ITFG2: variants seen among roughly 807,000 people sequenced by gnomAD.
The protein encoded by ITFG2 is integrin alpha FG-GAP repeat containing 2.
A neutral mutation model predicts 54.4 loss-of-function variants in ITFG2; 36 were observed. That is an observed-to-expected ratio of 0.66 (90% CI 0.51 to 0.87). The LOEUF (loss-of-function observed/expected upper bound fraction) is 0.87. Among genes scored for constraint, ITFG2 ranks in the 40% least tolerant of loss-of-function variants. The pLI is 0.00. For synonymous variants in ITFG2, 211 were observed against 225.4 expected (o/e 0.94, Z 0.57); for missense variants, 524 against 576.7 (o/e 0.91, Z 0.94).
intron 2 of ITFG2, among the ~76,000 whole-genome samples, chr12:2,848,101 C>T (rs1022162695): frequency 6.6e-6 from 1 of 152,198 alleles, no homozygotes; most frequent in African/African-American, 2.4e-5. Flanking sequence ...AGTGACTTTT[C>T]CAAAGGTCAC....
At chr12:2,843,422 A>T (rs1262153460) in intron 2 of ITFG2, among the ~76,000 whole-genome samples, 1 of 152,178 alleles carries the variant, frequency 6.6e-6, no homozygotes, top group Non-Finnish European at 1.5e-5. Flanking sequence ...TGTTTCATGG[A>T]TGGCAAAACC....
chr12:2,828,704 T>C (rs955476116), downstream of ITFG2, among the ~76,000 whole-genome samples: 10 of 152,102 alleles, frequency 6.6e-5, no homozygotes, highest in Admixed American at 2.6e-4. Context: ...TAGCTGGGTG[T>C]GGTGGCGCAT....
rs767346257 is a variant in ITFG2, at chr12:2,858,779, A to G, written n.620+448A>G. 4 of 1,614,240 alleles carry G rather than the reference A, an allele frequency of 2.5e-6. No homozygotes were observed. In the Admixed American group the frequency reaches 5.0e-5, roughly 20 times the overall value. On this transcript the variant is annotated intron_variant and non_coding_transcript_variant, in intron 3 of 3. Coordinates refer to the ITFG2 transcript ENST00000537710. Reference sequence around the variant, plus strand: ...TGTCCAGGACCAGGCCTTCTGTCAGAGAACGATTGGCTGCAAGGCCAGAAA... The same window carrying G: ...TGTCCAGGACCAGGCCTTCTGTCAGGGAACGATTGGCTGCAAGGCCAGAAA...
downstream of ITFG2, chr12:2,828,091 G>T: frequency 6.5e-7 from 1 of 1,547,224 alleles, no homozygotes; most frequent in Non-Finnish European, 8.9e-7. Flanking sequence ...AGCCCCTAGA[G>T]GGTTCCACCC....
chr12:2,833,005 T>C (rs1256553197), upstream of ITFG2, among the ~76,000 whole-genome samples: 3 of 151,772 alleles, frequency 2.0e-5, no homozygotes, highest in Non-Finnish European at 4.4e-5. Context: ...AACACAGGCT[T>C]CAGGCCCCTC....
chr12:2,858,928 G>C, intron 3 of ITFG2: 1 of 1,613,750 alleles, frequency 6.2e-7, no homozygotes, highest in Non-Finnish European at 8.5e-7. Flanking sequence ...TCAAGGGGGG[G>C]AGCACTTTGC....
At chr12:2,821,906 A>T in intron 9 of ITFG2, 114 bp downstream of exon 9, 16 of 677,476 alleles carry the variant, frequency 2.4e-5, no homozygotes, top group South Asian at 3.9e-5. Context: ...CTTTATCTTT[A>T]GTCTCTGTCT....
chr12:2,837,251 G>A (rs1040463391), intron 1 of ITFG2, among the ~76,000 whole-genome samples: 10 of 152,308 alleles, frequency 6.6e-5, no homozygotes, highest in Non-Finnish European at 1.0e-4. Flanking sequence ...GCCGAGGCAG[G>A]CGGATCACGA....
chr12:2,826,412 G>C (rs1480008524), downstream of ITFG2: 1 of 152,058 alleles, frequency 6.6e-6, no homozygotes. Flanking sequence ...TGTCCTGTCT[G>C]CCTCACAGGA....
At chr12:2,858,306 G>A (rs761151927) in exon 3 of ITFG2, 15 of 270,132 alleles carry the variant, frequency 5.6e-5, no homozygotes, top group South Asian at 3.2e-4. Flanking sequence ...CTATTTACAC[G>A]GACCACCCTG....
In ITFG2 at chr12:2,824,394, A is replaced by G; in HGVS notation, c.*201A>G. The G allele has an allele frequency of 3.0e-6, 2 of 665,872 alleles. No individual in the cohort carries two copies. Among genetic ancestry groups the G allele is most frequent in the East Asian group, 2.9e-5 (1 of 34,362 alleles). The allele number at this position is 665,872 out of a possible 1,614,324, so 41.2% of individuals were successfully genotyped here. On this transcript the variant is annotated 3_prime_UTR_variant, in exon 12 of 12. Transcript: ENST00000228799. The stretch of plus-strand genomic sequence containing the variant: ...TTTCGGTGAAAGAAGAGACAAGTTG[A>G]CCCTCTGCCCATTTCCTTATGGACC...
intron 3 of ITFG2, chr12:2,858,867 G>A: frequency 1.2e-6 from 2 of 1,614,156 alleles, no homozygotes; most frequent in Non-Finnish European, 8.5e-7. Flanking sequence ...GTTGCCAAAG[G>A]GGACGGAGAT....
rs140758485 is a variant in ITFG2 at position 2,814,850 on chromosome 12, CAG to C, written c.96+1996_96+1997del. 5.2e-3 allele frequency among the ~76,000 whole-genome samples: 790 copies of C among 151,598 alleles called. 3 individuals are homozygous for C. Among genetic ancestry groups the C allele is most frequent in the African/African-American group, 0.018 (742 of 41,312 alleles). ...CTGTCTCAAACAAACAACAAAAAAA[CAG>C]AAAGAAAAGAAATAAGAAACGTCAA... On this transcript the variant is annotated intron_variant, in intron 1 of 11. Coordinates refer to ENST00000228799, the MANE Select transcript of ITFG2 (RefSeq NM_018463.4).
At chr12:2,854,550 C>T (rs191688745) in intron 2 of ITFG2, among the ~76,000 whole-genome samples, 3 of 152,302 alleles carry the variant, frequency 2.0e-5, no homozygotes, top group African/African-American at 4.8e-5. Flanking sequence ...TACAACACCC[C>T]CTGTCTCGCA....
downstream of ITFG2, among the ~76,000 whole-genome samples, chr12:2,829,298 T>TAGAC (rs10657946): frequency 0.31 from 47,269 of 151,806 alleles, 9,457 homozygotes; most frequent in African/African-American, 0.56. Context: ...CTTTGGGACA[T>TAGAC]AGACATTTTG....
At chr12:2,823,991 C>G (rs755751052) in intron 11 of ITFG2, 48 bp downstream of exon 11, 2 of 1,612,136 alleles carry the variant, frequency 1.2e-6, no homozygotes, top group South Asian at 2.2e-5. Flanking sequence ...AGACCCACAG[C>G]ATGCTGCAGG....
chr12:2,830,904 A>G (rs1372154912), downstream of ITFG2: 2 of 1,589,330 alleles, frequency 1.3e-6, no homozygotes, highest in African/African-American at 2.7e-5. Flanking sequence ...TTCTAAACCC[A>G]GGCATCCAGG....
downstream of ITFG2, chr12:2,827,850 A>G (rs570132353): frequency 7.5e-6 from 12 of 1,609,536 alleles, no homozygotes; most frequent in African/African-American, 1.2e-4. The surrounding 1 kb of genome is among the most constrained non-coding windows in gnomAD (Gnocchi z 4.0). Flanking sequence ...GCAGGGAGTG[A>G]AAGTCTCAGC....
chr12:2,847,848 G>A (rs187059428), intron 2 of ITFG2, among the ~76,000 whole-genome samples: 1 of 152,268 alleles, frequency 6.6e-6, no homozygotes, highest in Admixed American at 6.5e-5. Context: ...TCAGCATGAT[G>A]TTTTCAAGTT....
Sources: gnomAD v4.1 joint callset for allele counts (sites outside exome capture counted in the v4.1 genomes callset) on GRCh38, gnomAD v4.1.1 for gene constraint, Gnocchi (gnomAD v3.1) non-coding constraint, MANE v1.5 for transcripts, NCBI Gene and HGNC (gene_info 2026-07-23, HGNC 2026-07-21) for gene names.